Variants in VSIG10L2 observed in about 807,000 individuals in gnomAD.
VSIG10L2 encodes V-set and immunoglobulin domain containing 10 like 2.
VSIG10L2 carries 56 observed loss-of-function variants against 67.1 expected under a neutral mutation model. The ratio of observed to expected loss-of-function variants is 0.83; its 90% CI spans 0.67 to 1.04. VSIG10L2 has a LOEUF of 1.04. VSIG10L2 is among the 50% of genes least tolerant of loss of function. The pLI is 0.00. For missense variants in VSIG10L2, 843 were observed against 932.8 expected (o/e 0.90, Z 1.25); for synonymous variants, 360 against 396.6 (o/e 0.91, Z 1.10).
Position 125,951,841 on chromosome 11 carries a change from G to A in VSIG10L2, c.1263G>A (p.Trp421Ter), listed in dbSNP as rs578002979. 162 of 1,520,278 alleles carry A rather than the reference G, an allele frequency of 1.1e-4. No homozygotes were observed. Among genetic ancestry groups the A allele is most frequent in the Non-Finnish European group, 1.4e-4 (157 of 1,136,862 alleles). The allele number at this position is 1,520,278 out of a possible 1,614,324, so 94.2% of individuals were successfully genotyped here. The change falls in exon 6 of 12, where the codon TGG (tryptophan) becomes TGA (stop). Residue 421 changes from tryptophan (W) to a stop codon, truncating the protein, a stop_gained. Transcript: ENST00000686984. LOFTEE classifies it high-confidence loss of function. The part of the protein sequence containing the change: ...LWEPLGRPTC[W>*]STATMGDQFI... ...AGCCTCTCGGGAGGCCTACCTGCTG[G>A]AGCACAGCCACAATGGGGGACCAGT...
At position 125,951,929 on chromosome 11, in the gene VSIG10L2, G is replaced by A. The variant is rs769217661; in HGVS notation, c.1351G>A (p.Glu451Lys). 50 of 1,535,966 alleles carry A rather than the reference G, an allele frequency of 3.3e-5. No homozygotes were observed. The Middle Eastern group carries it at 5.0e-4, about 15-fold the overall frequency. ...CCCTGCCACGCTGGGCTGGCTTGAC[G>A]AACAGCAGCAGCCCCTGGGCGGCAG... Reference protein sequence around the residue: ...EPPATLGWLDEQQQPLGGSSS... With the variant: ...EPPATLGWLDKQQQPLGGSSS... The change falls in exon 6 of 12, where the codon GAA becomes AAA. Residue 451 changes from glutamate (E) to lysine (K), a missense_variant. Physicochemically the swap from Glu to Lys is moderately conservative, Grantham distance 56 (BLOSUM62 1). Coordinates refer to ENST00000686984, the MANE Select transcript of VSIG10L2 (RefSeq NM_001365077.2).
intron 3 of VSIG10L2, 69 bp from the exon 4 acceptor site, chr11:125,949,945 A>C: frequency 8.2e-6 from 10 of 1,219,260 alleles, no homozygotes; most frequent in Non-Finnish European, 1.0e-5. Context: ...GCATACATTC[A>C]GAGATGAGCA....
intron 9 of VSIG10L2, 150 bp downstream of exon 9, chr11:125,955,329 G>T (rs12222197): frequency 0.56 from 693,422 of 1,237,234 alleles, 197,209 homozygotes; most frequent in Non-Finnish European, 0.57. Flanking sequence ...ATGTTGCCAT[G>T]CAGGGCTCTA....
In VSIG10L2 at chr11:125,952,168, G is replaced by T. The variant is rs1422481393; in HGVS notation, c.1495+95G>T. 7 of 1,426,470 alleles carry T rather than the reference G, an allele frequency of 4.9e-6. No homozygotes were observed. In the East Asian group the frequency reaches 1.5e-4, roughly 31 times the overall value. 88.4% of individuals were successfully genotyped at this position (1,426,470 alleles called of 1,614,324 possible). A position where few individuals can be genotyped will look rare whatever the true frequency, so the allele number is the denominator to read the frequency against. On this transcript the variant is annotated intron_variant, in intron 6 of 11. Coordinates refer to ENST00000686984, the MANE Select transcript of VSIG10L2 (RefSeq NM_001365077.2). ...GAGATCTTAGGGGGTGGCTGTGCTG[G>T]CATGGAAAGTGAGTCAGTGCGGACG... is the stretch of plus-strand genomic sequence containing the variant.
At position 125,948,725 on chromosome 11, in the gene VSIG10L2, G is replaced by A. The variant is rs548997232; in HGVS notation, c.709+145G>A. Reference sequence around the variant, plus strand: ...AAAGTCTCCAGCAGGCAAGAGTCACGGGGTGCCGTGCCCCTGCTGCCCACT... The same window carrying A: ...AAAGTCTCCAGCAGGCAAGAGTCACAGGGTGCCGTGCCCCTGCTGCCCACT... On this transcript the variant is annotated intron_variant, in intron 3 of 11. Coordinates refer to ENST00000686984, the MANE Select transcript of VSIG10L2 (RefSeq NM_001365077.2). 61 of 897,174 alleles carry A rather than the reference G, an allele frequency of 6.8e-5. No individual in the cohort carries two copies. In the East Asian group the frequency reaches 1.1e-3, roughly 16 times the overall value. 55.6% of individuals were successfully genotyped at this position (897,174 alleles called of 1,614,324 possible). A position where few individuals can be genotyped will look rare whatever the true frequency, so the allele number is the denominator to read the frequency against.
Position 125,947,915 on chromosome 11 carries a change from C to T in VSIG10L2, c.312C>T (p.Asn104=), listed in dbSNP as rs1292198458. 5 of 1,232,344 alleles carry T rather than the reference C, an allele frequency of 4.1e-6. No individual in the cohort carries two copies. The highest frequency in any genetic ancestry group is 1.5e-5 in the African/African-American group (1 of 64,566). 76.3% of individuals were successfully genotyped at this position (1,232,344 alleles called of 1,614,324 possible). The change falls in exon 2 of 12, where the codon AAC becomes AAT. Residue 104 remains asparagine, a synonymous_variant. Transcript: ENST00000686984. Reference sequence around the variant, plus strand: ...CTCTGGGAGTCGTGAGTCTGAGGAACAGCAGCCTGGTGCTGGGGGAGCTTC... The same window carrying T: ...CTCTGGGAGTCGTGAGTCTGAGGAATAGCAGCCTGGTGCTGGGGGAGCTTC... ...ASALGVVSLR[N]SSLVLGELHE... is the part of the protein sequence containing the mutation.
intron 5 of VSIG10L2, 74 bp from the exon 6 acceptor site, chr11:125,951,739 G>A: frequency 7.2e-7 from 1 of 1,393,014 alleles, no homozygotes; most frequent in Non-Finnish European, 9.4e-7. Flanking sequence ...AACCAATGAA[G>A]GAAGGGGGAT....
intron 11 of VSIG10L2, 73 bp downstream of exon 11, chr11:125,955,740 G>C: frequency 7.7e-7 from 1 of 1,299,516 alleles, no homozygotes; most frequent in South Asian, 1.3e-5. Flanking sequence ...GTGATGCTTG[G>C]TCTCTCTTGA....
In VSIG10L2 at chr11:125,953,518, TCAA is replaced by T. The variant is rs1040592313; in HGVS notation, c.1621_1623del (p.Gln541del). On this transcript the variant is annotated inframe_deletion, in exon 7 of 12. Coordinates refer to ENST00000686984, the MANE Select transcript of VSIG10L2 (RefSeq NM_001365077.2). The stretch of plus-strand genomic sequence containing the variant: ...CTGCCCAGCTCCTCTGGCTGGGGCC[TCAA>T]CAACAAAAAGTGGACCCCGGCACTT... 24 of 1,232,234 alleles carry T rather than the reference TCAA, an allele frequency of 1.9e-5. No homozygotes were observed. In the South Asian group the frequency reaches 4.5e-4, roughly 23 times the overall value. The allele number at this position is 1,232,234 out of a possible 1,614,324, so 76.3% of individuals were successfully genotyped here.
Position 125,951,068 on chromosome 11 carries a change from G to T in VSIG10L2, c.1144G>T (p.Ala382Ser). 1 of 1,232,646 alleles carries T rather than the reference G, an allele frequency of 8.1e-7. No individual in the cohort carries two copies. Among genetic ancestry groups the T allele is most frequent in the Non-Finnish European group, 1.0e-6 (1 of 988,398 alleles). 76.4% of individuals were successfully genotyped at this position (1,232,646 alleles called of 1,614,324 possible). A position where few individuals can be genotyped will look rare whatever the true frequency, so the allele number is the denominator to read the frequency against. ...TAPSNVTWSH[A>S]AAQLPSGSVF... Reference sequence around the variant, plus strand: ...CCCCAGCAACGTCACCTGGAGTCACGCAGCCGCCCAGCTCCCCAGTGGCAG... The same window carrying T: ...CCCCAGCAACGTCACCTGGAGTCACTCAGCCGCCCAGCTCCCCAGTGGCAG... Residue 382 changes from alanine to serine, a missense_variant, in exon 5 of 12, where the codon GCA (alanine) becomes TCA (serine). Around this residue, in one of 2 missense-constraint regions of VSIG10L2, gnomAD observed 446 missense variants for 548.4 expected, o/e 0.81. Coordinates refer to ENST00000686984, the MANE Select transcript of VSIG10L2 (RefSeq NM_001365077.2).
In VSIG10L2 at chr11:125,947,902, T is replaced by A; in HGVS notation, c.299T>A (p.Val100Glu). Reference sequence around the variant, plus strand: ...GCCATCGCCTCGGCTCTGGGAGTCGTGAGTCTGAGGAACAGCAGCCTGGTG... The same window carrying A: ...GCCATCGCCTCGGCTCTGGGAGTCGAGAGTCTGAGGAACAGCAGCCTGGTG... Reference protein sequence around the residue: ...VEAIASALGVVSLRNSSLVLG... With the variant: ...VEAIASALGVESLRNSSLVLG... Residue 100 changes from valine (V) to glutamate (E), a missense_variant, in exon 2 of 12, where the codon GTG becomes GAG. This residue lies in a region of VSIG10L2 where 446 missense variants were observed against 548.4 expected (regional missense o/e 0.81). Coordinates refer to ENST00000686984, the MANE Select transcript of VSIG10L2 (RefSeq NM_001365077.2). 1 of 1,232,230 alleles carries A rather than the reference T, an allele frequency of 8.1e-7. No homozygotes were observed. Among genetic ancestry groups the A allele is most frequent in the East Asian group, 3.2e-5 (1 of 31,690 alleles). The allele number at this position is 1,232,230 out of a possible 1,614,324, so 76.3% of individuals were successfully genotyped here. A position where few individuals can be genotyped will look rare whatever the true frequency, so the allele number is the denominator to read the frequency against.
chr11:125,955,286 C>T, intron 9 of VSIG10L2, 107 bp downstream of exon 9: 1 of 1,295,360 alleles, frequency 7.7e-7, no homozygotes, highest in Non-Finnish European at 9.9e-7. Flanking sequence ...AATCTAGGCT[C>T]TTCCTTAATT....
At chr11:125,948,181 A>G in intron 2 of VSIG10L2, 124 bp from the exon 3 acceptor site, 1 of 1,215,754 alleles carries the variant, frequency 8.2e-7, no homozygotes, top group Non-Finnish European at 1.0e-6. Flanking sequence ...TGGGGTGATG[A>G]GGAAGGGATG....
chr11:125,948,680 C>A, intron 3 of VSIG10L2, 100 bp downstream of exon 3: 2 of 1,178,992 alleles, frequency 1.7e-6, no homozygotes, highest in Non-Finnish European at 2.1e-6. Context: ...CCCTCCACTG[C>A]AGGAGTGCCT....
At chr11:125,947,482 A>C in intron 1 of VSIG10L2, 1 of 985,380 alleles carries the variant, frequency 1.0e-6, no homozygotes, top group Non-Finnish European at 1.2e-6. Context: ...CCCCTCCTTC[A>C]GTGCATCCAA....
chr11:125,950,968 G>A lies in VSIG10L2; in HGVS notation c.1044G>A (p.Leu348=), dbSNP rs1354141320. Residue 348 remains leucine (L), a synonymous_variant, in exon 5 of 12, where the codon CTG becomes CTA. Transcript: ENST00000686984. ...AVHPSPEAVT[L]LCAWPGGLPP... is the part of the protein sequence containing the mutation. ...ATCCCAGCCCTGAGGCTGTGACCCT[G>A]CTCTGTGCCTGGCCTGGGGGGCTTC... 1.6e-6 allele frequency: 2 copies of A among 1,232,324 alleles called. No homozygotes were observed. The highest frequency in any genetic ancestry group is 3.2e-5 in the East Asian group (1 of 31,706). The allele number at this position is 1,232,324 out of a possible 1,614,324, so 76.3% of individuals were successfully genotyped here. A position where few individuals can be genotyped will look rare whatever the true frequency, so the allele number is the denominator to read the frequency against.
chr11:125,948,092 A>T, intron 2 of VSIG10L2, 56 bp downstream of exon 2: 2 of 1,232,234 alleles, frequency 1.6e-6, no homozygotes, highest in Non-Finnish European at 2.0e-6. Context: ...ATTTCTCTGG[A>T]AGTGTGCTGC....
chr11:125,956,064 C>A lies in VSIG10L2; in HGVS notation c.*150C>A, dbSNP rs1945467712. The A allele has an allele frequency of 1.4e-6, 1 of 691,082 alleles. No homozygotes were observed. The highest frequency in any genetic ancestry group is 2.6e-6 in the Non-Finnish European group (1 of 379,152). The allele number at this position is 691,082 out of a possible 1,614,324, so 42.8% of individuals were successfully genotyped here. A position where few individuals can be genotyped will look rare whatever the true frequency, so the allele number is the denominator to read the frequency against. ...CCCAGTCTTCACAACTGGTACAAGG[C>A]CCAGCTGCAGTGTCCCTAAGTGACA... On this transcript the variant is annotated 3_prime_UTR_variant, in exon 12 of 12. Transcript: ENST00000686984.
intron 1 of VSIG10L2, among the ~76,000 whole-genome samples, chr11:125,947,078 T>C (rs895948512): frequency 1.3e-5 from 2 of 152,170 alleles, no homozygotes; most frequent in Admixed American, 6.5e-5. Context: ...TCATTTGTCC[T>C]TGTGACCCCG....
Sources: allele counts gnomAD v4.1 joint callset (sites outside exome capture counted in the v4.1 genomes callset), GRCh38; gene constraint gnomAD v4.1.1; regional missense constraint gnomAD v4.1.1; transcripts MANE v1.5; gene names NCBI Gene and HGNC (gene_info 2026-07-23, HGNC 2026-07-21).